The following LTBP1 variants were observed in gnomAD, a reference collection of about 807,000 sequenced individuals.
LTBP1 encodes latent transforming growth factor beta binding protein 1, also known as latent-transforming growth factor beta-binding protein 1.
LTBP1 carries 129 observed loss-of-function variants against 207.6 expected under a neutral mutation model. That is an observed-to-expected ratio of 0.62 (90% CI 0.54 to 0.72). The LOEUF (loss-of-function observed/expected upper bound fraction) is 0.72. Among genes scored for constraint, LTBP1 ranks in the 30% least tolerant of loss-of-function variants. LTBP1 has a pLI of 0.00. For synonymous variants in LTBP1, 963 were observed against 833.7 expected (o/e 1.16, Z -2.67); for missense variants, 2,281 against 2,217.2 (o/e 1.03, Z -0.58).
At chr2:33,138,457 T>G (rs2082319325) in intron 5 of LTBP1, among the ~76,000 whole-genome samples, 1 of 152,258 alleles carries the variant, frequency 6.6e-6, no homozygotes, top group East Asian at 1.9e-4. Flanking sequence ...CTTTTTTTTT[T>G]TTTGAGCTCA....
chr2:33,247,328 G>C (rs1169755753), intron 10 of LTBP1, among the ~76,000 whole-genome samples: 1 of 152,122 alleles, frequency 6.6e-6, no homozygotes, highest in African/African-American at 2.4e-5. Context: ...TTATACATTG[G>C]GAAACTAAAG....
At chr2:33,032,133 C>T (rs2075717396) in intron 3 of LTBP1, among the ~76,000 whole-genome samples, 1 of 152,204 alleles carries the variant, frequency 6.6e-6, no homozygotes, top group South Asian at 2.1e-4. Context: ...CTCTCTCTAC[C>T]TATGTTAAAT....
chr2:32,983,438 A>G (rs908201872), intron 2 of LTBP1, among the ~76,000 whole-genome samples: 26 of 152,100 alleles, frequency 1.7e-4, no homozygotes, highest in Non-Finnish European at 2.9e-4. Flanking sequence ...TGCTGAAATG[A>G]GTTAAGACTT....
chr2:33,152,860 T>C (rs987735588), intron 5 of LTBP1, among the ~76,000 whole-genome samples: 2 of 152,250 alleles, frequency 1.3e-5, no homozygotes, highest in African/African-American at 4.8e-5. Flanking sequence ...TACAGCATTA[T>C]CTCTAGCTGA....
intron 7 of LTBP1, among the ~76,000 whole-genome samples, chr2:33,216,108 G>T (rs1324906455): frequency 1.3e-5 from 2 of 152,130 alleles, no homozygotes; most frequent in Admixed American, 1.3e-4. Context: ...TCTTCATGCA[G>T]CGTTTCCTGA....
intron 22 of LTBP1, among the ~76,000 whole-genome samples, chr2:33,302,263 A>G (rs991206204): frequency 6.6e-6 from 1 of 152,080 alleles, no homozygotes; most frequent in South Asian, 2.1e-4. Context: ...CTCTGCATTC[A>G]TTGTCCACCT....
chr2:33,164,007 G>A (rs959388282), intron 5 of LTBP1, among the ~76,000 whole-genome samples: 10 of 151,654 alleles, frequency 6.6e-5, no homozygotes, highest in African/African-American at 2.2e-4. Context: ...AAGTCAGGGT[G>A]CACACTCACT....
At chr2:33,143,282 A>G (rs2150813302) in intron 5 of LTBP1, among the ~76,000 whole-genome samples, 1 of 152,250 alleles carries the variant, frequency 6.6e-6, no homozygotes, top group Non-Finnish European at 1.5e-5. Context: ...ACTACACTCT[A>G]AACTGATTGG....
At chr2:33,160,775 A>T (rs2084395695) in intron 5 of LTBP1, among the ~76,000 whole-genome samples, 1 of 152,166 alleles carries the variant, frequency 6.6e-6, no homozygotes, top group African/African-American at 2.4e-5. Context: ...ATTTTATTTT[A>T]TGTACCCACT....
chr2:33,350,719 C>G lies in LTBP1; in HGVS notation c.4000+3209C>G, dbSNP rs1030199191. On this transcript the variant is annotated intron_variant, in intron 26 of 33. Coordinates refer to ENST00000404816, the MANE Select transcript of LTBP1 (RefSeq NM_206943.4). ...ACTAAAAAATGTCCATACCAGGCCACTCATCACATTTAAGAAGGTATGGAT... is the reference window on the plus strand; with the variant it reads ...ACTAAAAAATGTCCATACCAGGCCAGTCATCACATTTAAGAAGGTATGGAT... 8.3e-5 allele frequency among the ~76,000 whole-genome samples: 12 copies of G among 144,232 alleles called. 1 individual carries two copies. Among genetic ancestry groups the G allele is most frequent in the Non-Finnish European group, 1.6e-4 (10 of 63,504 alleles). 94.6% of individuals were successfully genotyped at this position (144,232 alleles called of 152,430 possible). A position where few individuals can be genotyped will look rare whatever the true frequency, so the allele number is the denominator to read the frequency against.
chr2:33,057,698 G>A (rs1452879370), intron 3 of LTBP1, among the ~76,000 whole-genome samples: 5 of 152,214 alleles, frequency 3.3e-5, no homozygotes, highest in Admixed American at 1.3e-4. Flanking sequence ...GCCCGGGGCC[G>A]GCACGGCTGG....
At chr2:33,130,643 C>G (rs556060364) in intron 4 of LTBP1, among the ~76,000 whole-genome samples, 1 of 152,240 alleles carries the variant, frequency 6.6e-6, no homozygotes, top group East Asian at 1.9e-4. Flanking sequence ...ACCATTCACT[C>G]TGAATATCTG....
At chr2:33,069,964 C>T (rs2077705425) in intron 3 of LTBP1, among the ~76,000 whole-genome samples, 1 of 152,172 alleles carries the variant, frequency 6.6e-6, no homozygotes, top group Admixed American at 6.5e-5. Flanking sequence ...GAAAGTGACT[C>T]ATGGATGTGA....
intron 10 of LTBP1, among the ~76,000 whole-genome samples, chr2:33,251,803 C>T (rs2092695145): frequency 6.6e-6 from 1 of 151,806 alleles, no homozygotes; most frequent in Non-Finnish European, 1.5e-5. Flanking sequence ...GGACACCAAA[C>T]TTATTCAGCA....
At chr2:33,070,517 A>C (rs1017897847) in intron 3 of LTBP1, among the ~76,000 whole-genome samples, 1 of 152,200 alleles carries the variant, frequency 6.6e-6, no homozygotes, top group African/African-American at 2.4e-5. Flanking sequence ...TCACTCACCT[A>C]AGCGGATACC....
Position 33,199,513 on chromosome 2 carries a change from A to G in LTBP1, c.1701+10662A>G, listed in dbSNP as rs528088651. ...GCTACCTGTGACAGACCCACAGCCAATATCATACTGAATGGGCAAAAACTG... is the reference window on the plus strand; with the variant it reads ...GCTACCTGTGACAGACCCACAGCCAGTATCATACTGAATGGGCAAAAACTG... On this transcript the variant is annotated intron_variant, in intron 7 of 33. Coordinates refer to ENST00000404816, the MANE Select transcript of LTBP1 (RefSeq NM_206943.4). Among the ~76,000 whole-genome samples the G allele has an allele frequency of 2.6e-3, 396 of 152,312 alleles. 2 individuals are homozygous for G. Among genetic ancestry groups the G allele is most frequent in the Admixed American group, 4.1e-3 (63 of 15,300 alleles).
At chr2:33,352,490 G>A (rs1380761438) in intron 26 of LTBP1, among the ~76,000 whole-genome samples, 1 of 151,036 alleles carries the variant, frequency 6.6e-6, no homozygotes, top group Non-Finnish European at 1.5e-5. Flanking sequence ...ACTTTTTTTT[G>A]TCTCCCCATT....
chr2:32,982,351 A>C (rs1682889603), intron 2 of LTBP1, among the ~76,000 whole-genome samples: 1 of 152,158 alleles, frequency 6.6e-6, no homozygotes, highest in Admixed American at 6.6e-5. Context: ...GTTCAAGAGG[A>C]GGCAGAATAT....
intron 2 of LTBP1, among the ~76,000 whole-genome samples, chr2:32,982,586 C>T (rs1265600834): frequency 1.3e-5 from 2 of 152,086 alleles, no homozygotes; most frequent in Admixed American, 6.5e-5. Flanking sequence ...CATCACAGGT[C>T]TGGAGGGAAA....
Sources: allele counts gnomAD v4.1 joint callset (sites outside exome capture counted in the v4.1 genomes callset), GRCh38; gene constraint gnomAD v4.1.1; transcripts MANE v1.5; gene names NCBI Gene and HGNC (gene_info 2026-07-23, HGNC 2026-07-21).